Variants in TRPC4AP observed in about 807,000 individuals in gnomAD.
TRPC4AP encodes the protein transient receptor potential cation channel subfamily C member 4 associated protein.
Under a neutral mutation model 99.0 loss-of-function variants are expected in TRPC4AP, and 45 were observed. The ratio of observed to expected loss-of-function variants is 0.45; its 90% confidence interval spans 0.36 to 0.58. The LOEUF (loss-of-function observed/expected upper bound fraction) is 0.58. TRPC4AP is among the 20% of genes least tolerant of loss of function. The pLI is 0.00. For synonymous variants in TRPC4AP, 408 were observed against 385.8 expected, an observed-to-expected ratio of 1.06 and a Z score of -0.67; for missense variants, 879 against 985.3, an observed-to-expected ratio of 0.89 and a Z score of 1.44.
rs149490637 is a variant in TRPC4AP, at chr20:35,027,130, G to C, written c.1052-5774C>G. 5.3e-5 allele frequency among the ~76,000 whole-genome samples: 8 copies of C among 152,196 alleles called. No homozygotes were observed. The East Asian group carries it at 1.2e-3, about 22-fold the overall frequency. On this transcript the variant is annotated intron_variant, in intron 8 of 18. Transcript: ENST00000252015. ...CACTTCCAGAAACGATCAGGAACTCGTCTTGTTCCTGATCTTAGTGGTAGA... is the reference window on the plus strand; with the variant it reads ...CACTTCCAGAAACGATCAGGAACTCCTCTTGTTCCTGATCTTAGTGGTAGA...
chr20:35,068,713 G>C (rs1212449196), intron 3 of TRPC4AP, among the ~76,000 whole-genome samples: 10 of 151,876 alleles, frequency 6.6e-5, no homozygotes, highest in Non-Finnish European at 1.2e-4. Context: ...GTAGAGACAG[G>C]GTTTCACCAT....
At chr20:35,003,668 C>T (rs575005374) in intron 17 of TRPC4AP, 52 bp from the exon 18 acceptor site, 1 of 1,564,614 alleles carries the variant, frequency 6.4e-7, no homozygotes, top group East Asian at 2.3e-5. Flanking sequence ...CCCCAGTGGC[C>T]CCTGGTGAAC....
At chr20:35,007,968 C>T (rs1375861500) in intron 13 of TRPC4AP, among the ~76,000 whole-genome samples, 3 of 152,120 alleles carry the variant, frequency 2.0e-5, no homozygotes, top group Admixed American at 6.5e-5. Flanking sequence ...AATGGGAGGA[C>T]GTGCAATTGA....
rs537384964 is a variant in TRPC4AP at position 35,008,680 on chromosome 20, C to T, written c.1579G>A (p.Ala527Thr). The T allele has an allele frequency of 3.7e-6, 6 of 1,613,988 alleles. No individual in the cohort carries two copies. In the South Asian group the frequency reaches 5.5e-5, roughly 15 times the overall value. The change falls in exon 13 of 19, where the codon GCA (alanine) becomes ACA (threonine). Residue 527 changes from alanine (A) to threonine (T), a missense_variant. Physicochemically the swap from Ala to Thr is moderately conservative, Grantham distance 58. Around this residue, in one of 3 missense-constraint regions of TRPC4AP, gnomAD observed 52 missense variants for 88.7 expected, o/e 0.59. Transcript: ENST00000252015. The part of the protein sequence containing the change: ...RLLQVMKKEP[A>T]ESSFRFWQAR... Reference sequence around the variant, plus strand: ...CAGACTCACCTGAAAGACGACTCTGCTGGCTCCTTCTTCATGACCTGCAGC... The same window carrying T: ...CAGACTCACCTGAAAGACGACTCTGTTGGCTCCTTCTTCATGACCTGCAGC...
At chr20:35,020,268 G>C (rs1402742373) in intron 9 of TRPC4AP, among the ~76,000 whole-genome samples, 1 of 152,148 alleles carries the variant, frequency 6.6e-6, no homozygotes, top group Admixed American at 6.5e-5. Flanking sequence ...TCCAAAAGCA[G>C]TCAGAGGAAT....
intron 3 of TRPC4AP, among the ~76,000 whole-genome samples, chr20:35,068,130 A>G (rs373642235): frequency 3.5e-4 from 54 of 152,272 alleles, no homozygotes; most frequent in African/African-American, 1.2e-3. Flanking sequence ...GGGTACTGGT[A>G]ATGTTCTATT....
chr20:35,023,913 G>A (rs745997705), intron 8 of TRPC4AP, among the ~76,000 whole-genome samples: 3 of 152,214 alleles, frequency 2.0e-5, no homozygotes, highest in Non-Finnish European at 2.9e-5. Context: ...CCTGGCTTGC[G>A]CAGGCCTGAC....
rs116131280 is a variant in TRPC4AP, at chr20:35,051,401, G to C, written c.529-1407C>G. 5.8e-3 allele frequency among the ~76,000 whole-genome samples: 889 copies of C among 152,138 alleles called. 9 individuals carry two copies. The highest frequency in any genetic ancestry group is 0.021 in the African/African-American group (858 of 41,494). ...TAGCTCACTACAGCCTCAATCACCTGGGCTCAAGCGATCCCCCCACCTCAG... is the reference window on the plus strand; with the variant it reads ...TAGCTCACTACAGCCTCAATCACCTCGGCTCAAGCGATCCCCCCACCTCAG... On this transcript the variant is annotated intron_variant, in intron 5 of 18. Coordinates refer to ENST00000252015, the MANE Select transcript of TRPC4AP (RefSeq NM_015638.3).
At chr20:35,085,979 C>T (rs572376233) in intron 1 of TRPC4AP, among the ~76,000 whole-genome samples, 27 of 152,176 alleles carry the variant, frequency 1.8e-4, no homozygotes, top group African/African-American at 5.3e-4. Context: ...AAGGGTCTCG[C>T]GCAATCTCAC....
chr20:35,092,691 G>C lies in TRPC4AP; in HGVS notation c.91C>G (p.Arg31Gly), dbSNP rs1276145681. The change falls in exon 1 of 19, where the codon CGG becomes GGG. Residue 31 changes from arginine (R) to glycine (G), a missense_variant. Physicochemically the swap from Arg to Gly is moderately radical, Grantham distance 125. Transcript: ENST00000252015. ...TVAAWGGWGGRPRPGNILLQL... is the reference protein window; with the variant it reads ...TVAAWGGWGGGPRPGNILLQL... ...AGCAGAATGTTACCAGGCCGCGGCC[G>C]GCCGCCCCATCCGCCCCAAGCCGCC... The C allele has an allele frequency of 6.5e-7, 1 of 1,537,478 alleles. No individual in the cohort carries two copies.
intron 8 of TRPC4AP, among the ~76,000 whole-genome samples, chr20:35,022,921 G>A (rs2082928914): frequency 6.6e-6 from 1 of 152,038 alleles, no homozygotes; most frequent in East Asian, 1.9e-4. Flanking sequence ...TACTCAAGAG[G>A]GAGAGGTGGA....
chr20:35,005,894 G>A (rs376084355), intron 15 of TRPC4AP, 91 bp from the exon 16 acceptor site: 13 of 1,115,714 alleles, frequency 1.2e-5, no homozygotes, highest in African/African-American at 1.1e-4. Context: ...GGGCATCAGC[G>A]ACCTCTACCA....
intron 1 of TRPC4AP, among the ~76,000 whole-genome samples, chr20:35,088,542 C>T (rs2084950345): frequency 6.6e-6 from 1 of 152,196 alleles, no homozygotes; most frequent in Admixed American, 6.5e-5. Context: ...TAGCTGAGAG[C>T]AACTATTTAC....
At chr20:35,056,889 G>A (rs1220649703) in intron 4 of TRPC4AP, among the ~76,000 whole-genome samples, 2 of 148,410 alleles carry the variant, frequency 1.3e-5, no homozygotes, top group African/African-American at 5.0e-5. Context: ...GAGAGGGTGA[G>A]GCAGGAAAAT....
Position 35,035,120 on chromosome 20 carries a change from T to C in TRPC4AP, c.1051+3A>G, listed in dbSNP as rs1186175100. 3.1e-6 allele frequency: 5 copies of C among 1,612,682 alleles called. No individual in the cohort carries two copies. Among genetic ancestry groups the C allele is most frequent in the Non-Finnish European group, 4.2e-6 (5 of 1,179,200 alleles). On this transcript the variant is annotated splice_donor_region_variant and intron_variant, in intron 8 of 18. Coordinates refer to ENST00000252015, the MANE Select transcript of TRPC4AP (RefSeq NM_015638.3). ...ATCACTCAGGGGACCCATCCTTCCA[T>C]ACCTTGATTGTGCTCTGACTCCTCA...
At chr20:35,026,741 C>A (rs1172218785) in intron 8 of TRPC4AP, among the ~76,000 whole-genome samples, 2 of 152,134 alleles carry the variant, frequency 1.3e-5, no homozygotes, top group Non-Finnish European at 2.9e-5. Context: ...GGTTTAATTT[C>A]TTTCAATGAT....
At chr20:35,023,189 C>T (rs7271729) in intron 8 of TRPC4AP, among the ~76,000 whole-genome samples, 12,236 of 152,220 alleles carry the variant, frequency 0.08, 578 homozygotes, top group South Asian at 0.13. Flanking sequence ...ACCCTGAAGC[C>T]AGACTACTGG....
chr20:35,003,185 C>G lies in TRPC4AP; in HGVS notation c.2355G>C (p.Glu785Asp), dbSNP rs781411101. The G allele has an allele frequency of 2.4e-5, 39 of 1,614,134 alleles. No homozygotes were observed. The highest frequency in any genetic ancestry group is 3.2e-5 in the Non-Finnish European group (38 of 1,180,034). The change falls in exon 19 of 19, where the codon GAG (glutamate) becomes GAC (aspartate). Residue 785 changes from glutamate (E) to aspartate (D), a missense_variant. Coordinates refer to ENST00000252015, the MANE Select transcript of TRPC4AP (RefSeq NM_015638.3). ...AGTCCCTGTCTATGTCCATGTAGGGCTCCTCAATGTAGCTAACGAGAGCAG... is the reference window on the plus strand; with the variant it reads ...AGTCCCTGTCTATGTCCATGTAGGGGTCCTCAATGTAGCTAACGAGAGCAG... ...SPSALVSYIE[E>D]PYMDIDRDFT...
In TRPC4AP at chr20:35,050,911, C is replaced by A. The variant is rs139112105; in HGVS notation, c.529-917G>T. On this transcript the variant is annotated intron_variant, in intron 5 of 18. Transcript: ENST00000252015. ...ACCCCGGAGGCTGAGGTGAGAGGAC[C>A]GCTTGAGGCCAGGAGTGTGAGGCCG... Among the ~76,000 whole-genome samples the A allele has an allele frequency of 2.0e-4, 30 of 152,056 alleles. No homozygotes were observed. In the East Asian group the frequency reaches 5.2e-3, roughly 26 times the overall value.
Sources: allele counts gnomAD v4.1 joint callset (sites outside exome capture counted in the v4.1 genomes callset), GRCh38; gene constraint gnomAD v4.1.1; regional missense constraint gnomAD v4.1.1; transcripts MANE v1.5; gene names NCBI Gene and HGNC (gene_info 2026-07-23, HGNC 2026-07-21).